Variants in DPP6 observed in about 807,000 individuals in gnomAD.
DPP6 encodes the protein dipeptidyl peptidase like 6, also known as A-type potassium channel modulatory protein DPP6.
DPP6 carries 69 observed loss-of-function variants against 122.6 expected under a neutral mutation model. The ratio of observed to expected loss-of-function variants is 0.56; its 90% CI spans 0.46 to 0.69. The LOEUF (loss-of-function observed/expected upper bound fraction) is 0.69. Among genes scored for constraint, DPP6 ranks in the 30% least tolerant of loss-of-function variants. DPP6 has a pLI of 0.00. For missense variants in DPP6, 928 were observed against 1,116.9 expected (o/e 0.83, Z 2.41); for synonymous variants, 418 against 433.1 (o/e 0.97, Z 0.43).
At chr7:153,764,950 G>C in the DPP6 span, among the ~76,000 whole-genome samples, 1 of 152,156 alleles carries the variant, frequency 6.6e-6, no homozygotes, top group Non-Finnish European at 1.5e-5. Context: ...CAAAGCACCC[G>C]TTTCAGGCTC....
intron 1 of DPP6, among the ~76,000 whole-genome samples, chr7:153,956,248 G>A (rs1024532983): frequency 1.3e-5 from 2 of 152,118 alleles, no homozygotes; most frequent in South Asian, 4.1e-4. Context: ...ACCTGCAGGG[G>A]TGCTCAGTGT....
intron 1 of DPP6, among the ~76,000 whole-genome samples, chr7:154,445,780 A>T (rs1819814636): frequency 1.4e-5 from 2 of 146,048 alleles, no homozygotes; most frequent in East Asian, 2.0e-4. Context: ...ATGGATGTAA[A>T]AAAAAAAAAA....
At chr7:154,794,003 C>A in intron 10 of DPP6, 76 bp from the exon 11 acceptor site, 1 of 1,551,892 alleles carries the variant, frequency 6.4e-7, no homozygotes, top group Non-Finnish European at 8.7e-7. Context: ...GTGTCCAGGG[C>A]TGGGGTCGGC....
intron 6 of DPP6, among the ~76,000 whole-genome samples, chr7:154,643,489 GAC>G (rs1836242819): frequency 1.9e-5 from 2 of 107,054 alleles, no homozygotes; most frequent in African/African-American, 8.6e-5. Context: ...TTTTTTTTGA[GAC>G]AGAGTCTCAC....
At chr7:154,780,324 G>A (rs1796943134) in intron 10 of DPP6, among the ~76,000 whole-genome samples, 1 of 152,206 alleles carries the variant, frequency 6.6e-6, no homozygotes, top group East Asian at 1.9e-4. Flanking sequence ...AGTCACAGCT[G>A]TCAGAATAAT....
chr7:153,977,712 C>T (rs968807809), intron 1 of DPP6, among the ~76,000 whole-genome samples: 10 of 152,072 alleles, frequency 6.6e-5, no homozygotes, highest in Admixed American at 2.0e-4. Context: ...CCCCTTGTCC[C>T]CCACCCCCGA....
intron 1 of DPP6, among the ~76,000 whole-genome samples, chr7:154,264,875 A>ATGGTGT (rs1554503990): frequency 4.0e-5 from 6 of 150,946 alleles, no homozygotes; most frequent in African/African-American, 1.5e-4. Context: ...GGTGATCCTG[A>ATGGTGT]TGATGGTGAT....
At chr7:154,732,327 C>A (rs889430937) in intron 8 of DPP6, among the ~76,000 whole-genome samples, 2 of 152,102 alleles carry the variant, frequency 1.3e-5, no homozygotes, top group Non-Finnish European at 2.9e-5. Flanking sequence ...AATTTTTGGC[C>A]AATAATTTGC....
chr7:153,809,219 C>T, the DPP6 span, among the ~76,000 whole-genome samples: 1 of 152,010 alleles, frequency 6.6e-6, no homozygotes, highest in East Asian at 1.9e-4. Flanking sequence ...CTATTCAGGC[C>T]CTTTGCCTAT....
the DPP6 span, among the ~76,000 whole-genome samples, chr7:153,804,170 C>T: frequency 6.6e-6 from 1 of 151,984 alleles, no homozygotes; most frequent in African/African-American, 2.4e-5. Flanking sequence ...CTGCCTCAGC[C>T]TCGTGAGTAG....
In DPP6 at chr7:154,801,407, C is replaced by T; in HGVS notation, c.1352C>T (p.Ala451Val). ...KDGRKFFFIR[A>V]IPQGGRGKFY... ...GGCCGAAAGTTTTTCTTCATCAGAG[C>T]CATCCCCCAGGGAGGACGAGGGAAA... is the stretch of plus-strand genomic sequence containing the variant. Residue 451 changes from alanine (A) to valine (V), a missense_variant, in exon 13 of 26, where the codon GCC becomes GTC. Transcript: ENST00000377770. The T allele has an allele frequency of 6.3e-7, 1 of 1,597,724 alleles. No homozygotes were observed. Among genetic ancestry groups the T allele is most frequent in the Non-Finnish European group, 8.5e-7 (1 of 1,171,504 alleles).
At chr7:154,186,822 C>T (rs1313013892) in intron 1 of DPP6, among the ~76,000 whole-genome samples, 1 of 152,162 alleles carries the variant, frequency 6.6e-6, no homozygotes, top group African/African-American at 2.4e-5. Flanking sequence ...GCTAGTAACT[C>T]CAGGCTATTA....
rs76860025 is a variant in DPP6 at position 154,378,832 on chromosome 7, C to T, written c.244-67382C>T. Among the ~76,000 whole-genome samples the T allele has an allele frequency of 7.6e-3, 1,159 of 152,298 alleles. 12 individuals carry two copies. The highest frequency in any genetic ancestry group is 0.027 in the African/African-American group (1,109 of 41,560). On this transcript the variant is annotated intron_variant, in intron 1 of 25. Coordinates refer to ENST00000377770, the MANE Select transcript of DPP6 (RefSeq NM_130797.4). ...AAGGCAAAGGAGAACCAGGCAACTT[C>T]TTCGCAAGGAGGCAGGAAAGAGAGC...
At chr7:154,004,732 T>G (rs1264662345) in intron 1 of DPP6, among the ~76,000 whole-genome samples, 8 of 151,962 alleles carry the variant, frequency 5.3e-5, no homozygotes, top group African/African-American at 1.9e-4. Flanking sequence ...TATAACATTA[T>G]GTGGAATGTT....
the DPP6 span, among the ~76,000 whole-genome samples, chr7:153,794,151 C>G: frequency 2.6e-5 from 4 of 152,204 alleles, no homozygotes; most frequent in Admixed American, 6.5e-5. Flanking sequence ...AAGAGGGCCA[C>G]TGTCCTCCAG....
At chr7:154,749,639 C>A in intron 8 of DPP6, among the ~76,000 whole-genome samples, 1 of 116,622 alleles carries the variant, frequency 8.6e-6, no homozygotes, top group Non-Finnish European at 1.8e-5. Context: ...AAGCATAGGA[C>A]GGGAAAGAGA....
At chr7:153,867,053 C>T in the DPP6 span, among the ~76,000 whole-genome samples, 1 of 152,120 alleles carries the variant, frequency 6.6e-6, no homozygotes. Context: ...GTTACTGTAG[C>T]CTTGTAGTAT....
the DPP6 span, among the ~76,000 whole-genome samples, chr7:153,823,307 C>A: frequency 1.3e-3 from 201 of 151,922 alleles, 2 homozygotes; most frequent in African/African-American, 4.7e-3. Flanking sequence ...CTGGCCCAGG[C>A]TCACCTGATC....
At chr7:154,234,671 A>G (rs1801101311) in intron 1 of DPP6, among the ~76,000 whole-genome samples, 1 of 152,118 alleles carries the variant, frequency 6.6e-6, no homozygotes, top group African/African-American at 2.4e-5. Context: ...CAAACACCCA[A>G]CACACACATG....
Sources: gnomAD v4.1 joint callset for allele counts (sites outside exome capture counted in the v4.1 genomes callset) on GRCh38, gnomAD v4.1.1 for gene constraint, MANE v1.5 for transcripts, NCBI Gene and HGNC (gene_info 2026-07-23, HGNC 2026-07-21) for gene names.